The following CSMD3 variants were observed in gnomAD, a reference collection of about 807,000 sequenced individuals.
CSMD3 encodes CUB and sushi domain-containing protein 3.
A neutral mutation model predicts 435.2 loss-of-function variants in CSMD3; 177 were observed. That is an observed-to-expected ratio of 0.41 (90% CI 0.36 to 0.46). The LOEUF (loss-of-function observed/expected upper bound fraction) is 0.46. Among genes scored for constraint, CSMD3 ranks in the 20% least tolerant of loss-of-function variants. The pLI is 0.34. For synonymous variants in CSMD3, 1,656 were observed against 1,520.5 expected (o/e 1.09, Z -2.07); for missense variants, 4,265 against 4,504.6 (o/e 0.95, Z 1.52).
chr8:113,050,690 T>C (rs2088048997), intron 5 of CSMD3, among the ~76,000 whole-genome samples: 1 of 151,968 alleles, frequency 6.6e-6, no homozygotes, highest in Non-Finnish European at 1.5e-5. Flanking sequence ...TCTGAAAGAG[T>C]GGTTTTAGCT....
At chr8:113,404,605 G>A (rs1242855134) in intron 1 of CSMD3, among the ~76,000 whole-genome samples, 1 of 151,340 alleles carries the variant, frequency 6.6e-6, no homozygotes, top group Non-Finnish European at 1.5e-5. Flanking sequence ...TATTGTCTGA[G>A]CAGGATATAT....
chr8:112,837,828 T>G lies in CSMD3; in HGVS notation c.1756-8039A>C, dbSNP rs147766167. 8.8e-4 allele frequency among the ~76,000 whole-genome samples: 134 copies of G among 151,886 alleles called. 1 individual carries two copies. The East Asian group carries it at 0.023, about 26-fold the overall frequency. ...AATAAGTCACTCTAATATTAACAAT[T>G]ATTTTTGCTCCCCGGTGTGGAAATC... is the stretch of plus-strand genomic sequence containing the variant. On this transcript the variant is annotated intron_variant, in intron 11 of 70. Transcript: ENST00000297405.
chr8:112,768,075 A>G (rs1563941237), intron 13 of CSMD3, among the ~76,000 whole-genome samples: 2 of 151,762 alleles, frequency 1.3e-5, no homozygotes, highest in Non-Finnish European at 2.9e-5. Flanking sequence ...AGTGTTTTGC[A>G]ATGAATTTGA....
intron 3 of CSMD3, among the ~76,000 whole-genome samples, chr8:113,207,385 CT>C (rs72308827): frequency 0.23 from 32,554 of 139,172 alleles, 4,335 homozygotes; most frequent in East Asian, 0.55. Flanking sequence ...AATTATTTTT[CT>C]TTTTTTTTTT....
intron 16 of CSMD3, among the ~76,000 whole-genome samples, chr8:112,680,247 A>C (rs986619229): frequency 2.0e-5 from 3 of 152,134 alleles, no homozygotes; most frequent in Non-Finnish European, 4.4e-5. Context: ...AGTCCCAGCT[A>C]CTCAGGAGGC....
chr8:112,337,146 G>A (rs959145559), intron 43 of CSMD3, among the ~76,000 whole-genome samples: 1 of 152,018 alleles, frequency 6.6e-6, no homozygotes, highest in Admixed American at 6.6e-5. Flanking sequence ...CTTACTATGT[G>A]TACATATAAG....
At chr8:112,376,044 C>T (rs1438407747) in intron 38 of CSMD3, among the ~76,000 whole-genome samples, 1 of 152,116 alleles carries the variant, frequency 6.6e-6, no homozygotes, top group Non-Finnish European at 1.5e-5. Flanking sequence ...CCCCGTCTTG[C>T]TTAACTGTAA....
In CSMD3 at chr8:112,503,986, A is replaced by G. The variant is rs780034429; in HGVS notation, c.4896-9T>C. ...TTGGTTCTATGCTAAAACTGAAAAA[A>G]AAAAGGAAAGAACAAAAGAAAGAAA... On this transcript the variant is annotated splice_polypyrimidine_tract_variant and intron_variant, in intron 29 of 70. Transcript: ENST00000297405. 1.2e-4 allele frequency: 185 copies of G among 1,540,104 alleles called. No homozygotes were observed. The highest frequency in any genetic ancestry group is 1.6e-4 in the Non-Finnish European group (179 of 1,117,410).
At chr8:113,072,434 C>G (rs776545415) in intron 5 of CSMD3, among the ~76,000 whole-genome samples, 17 of 151,380 alleles carry the variant, frequency 1.1e-4, no homozygotes, top group Non-Finnish European at 2.4e-4. Context: ...AGCTGTGGGT[C>G]TTTCATATAT....
chr8:112,999,425 T>C (rs1006811914), intron 6 of CSMD3, among the ~76,000 whole-genome samples: 1 of 151,676 alleles, frequency 6.6e-6, no homozygotes, highest in Non-Finnish European at 1.5e-5. Flanking sequence ...GATGCCACTG[T>C]GTGACAAGAG....
chr8:112,262,624 A>G (rs990616), intron 61 of CSMD3, among the ~76,000 whole-genome samples: 37,222 of 151,992 alleles, frequency 0.24, 4,688 homozygotes, highest in East Asian at 0.36. Context: ...ATACTGAAAA[A>G]AGAAATTTTT....
At chr8:112,740,671 G>T (rs1306761475) in intron 13 of CSMD3, among the ~76,000 whole-genome samples, 1 of 151,844 alleles carries the variant, frequency 6.6e-6, no homozygotes, top group African/African-American at 2.4e-5. Flanking sequence ...AGGAAGGTAG[G>T]GGTTACCCAA....
chr8:112,676,493 A>G (rs888644692), intron 16 of CSMD3, among the ~76,000 whole-genome samples: 1 of 152,142 alleles, frequency 6.6e-6, no homozygotes, highest in Non-Finnish European at 1.5e-5. Flanking sequence ...AAATAATTGT[A>G]TAACTTTAAA....
At position 113,436,792 on chromosome 8, in the gene CSMD3, C is replaced by T. The variant is rs1249064812; in HGVS notation, c.63G>A (p.Lys21=). The T allele has an allele frequency of 6.2e-7, 1 of 1,614,210 alleles. No individual in the cohort carries two copies. Residue 21 remains lysine (K), a synonymous_variant, in exon 1 of 71, where the codon AAG becomes AAA. Coordinates refer to ENST00000297405, the MANE Select transcript of CSMD3 (RefSeq NM_198123.2). ...AKESKPWEPG[K]RRCAKCGRLD... is the part of the protein sequence containing the mutation. Reference sequence around the variant, plus strand: ...GGCGGCCACATTTAGCGCATCTTCGCTTGCCAGGCTCCCAGGGTTTGGATT... The same window carrying T: ...GGCGGCCACATTTAGCGCATCTTCGTTTGCCAGGCTCCCAGGGTTTGGATT...
intron 13 of CSMD3, among the ~76,000 whole-genome samples, chr8:112,761,050 T>C (rs575526260): frequency 6.6e-6 from 1 of 152,262 alleles, no homozygotes; most frequent in South Asian, 2.1e-4. Flanking sequence ...AAGAGTTCAC[T>C]TATATCCCTT....
chr8:112,581,629 A>C (rs1830342293), intron 23 of CSMD3, among the ~76,000 whole-genome samples: 1 of 152,044 alleles, frequency 6.6e-6, no homozygotes, highest in South Asian at 2.1e-4. Flanking sequence ...CTAGAAGAAA[A>C]GAATGTTTAT....
chr8:113,217,504 C>A (rs970105238), intron 3 of CSMD3, among the ~76,000 whole-genome samples: 2 of 151,416 alleles, frequency 1.3e-5, no homozygotes, highest in Admixed American at 1.3e-4. Context: ...AATGAAATTT[C>A]AGTAGAGAAA....
At chr8:113,391,784 A>G (rs2094462129) in intron 1 of CSMD3, among the ~76,000 whole-genome samples, 1 of 151,970 alleles carries the variant, frequency 6.6e-6, no homozygotes, top group African/African-American at 2.4e-5. Flanking sequence ...GAACATGGCA[A>G]TGATTGCTAG....
intron 2 of CSMD3, among the ~76,000 whole-genome samples, chr8:113,308,255 A>G (rs2093837536): frequency 8.6e-6 from 1 of 116,094 alleles, no homozygotes; most frequent in Non-Finnish European, 1.7e-5. Context: ...AAATCATTTA[A>G]GTCTTTTTTT....
Sources: gnomAD v4.1 joint callset for allele counts (sites outside exome capture counted in the v4.1 genomes callset) on GRCh38, gnomAD v4.1.1 for gene constraint, MANE v1.5 for transcripts, NCBI Gene and HGNC (gene_info 2026-07-23, HGNC 2026-07-21) for gene names.